TMEM255B: variants seen among roughly 807,000 people sequenced by gnomAD.
TMEM255B encodes transmembrane protein 255B.
TMEM255B carries 35 observed loss-of-function variants against 34.5 expected under a neutral mutation model. That is an observed-to-expected ratio of 1.01 (90% CI 0.77 to 1.34). TMEM255B has a LOEUF of 1.34. Among genes scored for constraint, TMEM255B ranks in the 40% most tolerant of loss-of-function variants. The pLI is 0.00. For missense variants in TMEM255B, 432 were observed against 433.2 expected, an observed-to-expected ratio of 1.00 and a Z score of 0.02; for synonymous variants, 206 against 201.2, an observed-to-expected ratio of 1.02 and a Z score of -0.20.
chr13:113,763,507 T>C (rs1003034058), intron 1 of TMEM255B, among the ~76,000 whole-genome samples: 1 of 152,194 alleles, frequency 6.6e-6, no homozygotes. Context: ...CGTGAACATA[T>C]AACCTTTCAG....
At chr13:113,801,062 G>C in intron 6 of TMEM255B, 150 bp downstream of exon 6, 2 of 742,042 alleles carry the variant, frequency 2.7e-6, no homozygotes, top group Non-Finnish European at 2.2e-6. Flanking sequence ...ACCCCCGTAT[G>C]TGCCTGCAGG....
intron 3 of TMEM255B, 130 bp from the exon 4 acceptor site, chr13:113,795,018 G>T: frequency 2.5e-6 from 2 of 797,264 alleles, no homozygotes; most frequent in Non-Finnish European, 2.1e-6. Context: ...GTCATAGGAC[G>T]AAAGGTAGAG....
rs1483441853 is a variant in TMEM255B, at chr13:113,759,261, G to A, written c.-9G>A. ...CTGTGGCCCCGGGAGAGCCGGGTGG[G>A]GCCTCGGGATGCAGCCGCCGGTGCC... On this transcript the variant is annotated 5_prime_UTR_variant, in exon 1 of 9. Coordinates refer to ENST00000375353, the MANE Select transcript of TMEM255B (RefSeq NM_182614.4). 1.5e-5 allele frequency: 18 copies of A among 1,228,210 alleles called. No individual in the cohort carries two copies. The highest frequency in any genetic ancestry group is 1.7e-5 in the Non-Finnish European group (17 of 985,750). The allele number at this position is 1,228,210 out of a possible 1,614,324, so 76.1% of individuals were successfully genotyped here.
intron 5 of TMEM255B, chr13:113,799,873 C>T (rs968138533): frequency 1.8e-5 from 18 of 1,005,896 alleles, no homozygotes; most frequent in Admixed American, 6.8e-5. Context: ...TCGCCAGGAC[C>T]GTCGGAGGGC....
Position 113,812,654 on chromosome 13 carries a change from G to C in TMEM255B, c.*751G>C, listed in dbSNP as rs1267670179. 6.6e-6 allele frequency: 1 copy of C among 152,564 alleles called. No homozygotes were observed. The highest frequency in any genetic ancestry group is 1.5e-5 in the Non-Finnish European group (1 of 68,300). 9.5% of individuals were successfully genotyped at this position (152,564 alleles called of 1,614,324 possible). A position where few individuals can be genotyped will look rare whatever the true frequency, so the allele number is the denominator to read the frequency against. On this transcript the variant is annotated 3_prime_UTR_variant, in exon 9 of 9. Coordinates refer to ENST00000375353, the MANE Select transcript of TMEM255B (RefSeq NM_182614.4). ...CGGGGTCCTTTGGCTCAGGGTCTGG[G>C]GCCGCAGCACTCCCTGTGGAAACCA...
At chr13:113,782,339 G>A (rs2050676463) in intron 3 of TMEM255B, among the ~76,000 whole-genome samples, 1 of 152,178 alleles carries the variant, frequency 6.6e-6, no homozygotes, top group South Asian at 2.1e-4. Context: ...TGAAATAGCT[G>A]TAGTTTAATT....
intron 3 of TMEM255B, among the ~76,000 whole-genome samples, chr13:113,781,396 T>C (rs773173978): frequency 6.6e-6 from 1 of 152,264 alleles, no homozygotes; most frequent in Non-Finnish European, 1.5e-5. Context: ...CCTTTTAATC[T>C]AGGCAAAAAT....
chr13:113,796,016 A>G (rs1195536839), intron 4 of TMEM255B, among the ~76,000 whole-genome samples: 1 of 146,788 alleles, frequency 6.8e-6, no homozygotes, highest in Non-Finnish European at 1.5e-5. Flanking sequence ...CACAGAGCAC[A>G]CAGCACACAC....
chr13:113,796,895 C>T (rs1019187589), intron 4 of TMEM255B, among the ~76,000 whole-genome samples: 6 of 148,946 alleles, frequency 4.0e-5, no homozygotes, highest in African/African-American at 1.5e-4. Flanking sequence ...GGAGCACATT[C>T]ACAAAACACA....
intron 3 of TMEM255B, among the ~76,000 whole-genome samples, chr13:113,779,067 T>C (rs1416379456): frequency 1.3e-5 from 2 of 152,132 alleles, no homozygotes; most frequent in Non-Finnish European, 2.9e-5. Context: ...AGAGTGTTTT[T>C]GGGTGGAGGG....
intron 3 of TMEM255B, among the ~76,000 whole-genome samples, chr13:113,771,414 G>A (rs1206149612): frequency 6.6e-6 from 1 of 152,190 alleles, no homozygotes; most frequent in Non-Finnish European, 1.5e-5. Context: ...GGACACGGTG[G>A]CTCATGCCTG....
In TMEM255B at chr13:113,800,194, TG is replaced by T. The variant is rs759778473; in HGVS notation, c.424-624del. The T allele has an allele frequency of 9.6e-3, 155 of 16,130 alleles. 8 individuals are homozygous for T. The highest frequency in any genetic ancestry group is 0.07 in the South Asian group (39 of 560). The allele number at this position is 16,130 out of a possible 1,614,324, so 1.0% of individuals were successfully genotyped here. A position where few individuals can be genotyped will look rare whatever the true frequency, so the allele number is the denominator to read the frequency against. On this transcript the variant is annotated intron_variant, in intron 5 of 8. Transcript: ENST00000375353. Reference sequence around the variant, plus strand: ...TGTGGAGGTGTCCTGTGTGTGTGTGTGGGGGGGGGTAGGCGGGAGGCATGCC... The same window carrying T: ...TGTGGAGGTGTCCTGTGTGTGTGTGTGGGGGGGGTAGGCGGGAGGCATGCC...
intron 8 of TMEM255B, among the ~76,000 whole-genome samples, chr13:113,805,684 C>T (rs184758672): frequency 1.8e-3 from 267 of 152,360 alleles, no homozygotes; most frequent in African/African-American, 5.9e-3. Context: ...ACCCTAGGTG[C>T]TGAGGGTGCT....
chr13:113,772,292 C>T (rs771785358), intron 3 of TMEM255B, among the ~76,000 whole-genome samples: 4 of 152,104 alleles, frequency 2.6e-5, no homozygotes, highest in African/African-American at 7.2e-5. Context: ...TGTACATTGC[C>T]GTTTCACTTT....
chr13:113,783,314 G>A (rs1262570288), intron 3 of TMEM255B, among the ~76,000 whole-genome samples: 1 of 152,166 alleles, frequency 6.6e-6, no homozygotes, highest in East Asian at 1.9e-4. Context: ...CTCCCTGTTG[G>A]TAAGTCCAAT....
chr13:113,763,859 A>G (rs553165677), intron 1 of TMEM255B, among the ~76,000 whole-genome samples: 4 of 152,326 alleles, frequency 2.6e-5, no homozygotes, highest in Middle Eastern at 3.4e-3. Flanking sequence ...CAGAAATACC[A>G]TGAGAGACAC....
intron 6 of TMEM255B, 24 bp downstream of exon 6, chr13:113,800,936 T>A: frequency 8.5e-7 from 1 of 1,178,202 alleles, no homozygotes; most frequent in Non-Finnish European, 1.1e-6. Flanking sequence ...GGGACCCCCA[T>A]ATCTACACCT....
chr13:113,779,491 G>A (rs192501479), intron 3 of TMEM255B, among the ~76,000 whole-genome samples: 3 of 151,274 alleles, frequency 2.0e-5, no homozygotes, highest in African/African-American at 2.4e-5. Flanking sequence ...TAGAGGGAGC[G>A]TCTGCTGATA....
At chr13:113,790,627 C>T (rs1186780814) in intron 3 of TMEM255B, among the ~76,000 whole-genome samples, 1 of 146,742 alleles carries the variant, frequency 6.8e-6, no homozygotes, top group African/African-American at 2.6e-5. Context: ...ACTGACTGGA[C>T]ACATGGATAT....
Sources: gnomAD v4.1 joint callset for allele counts (sites outside exome capture counted in the v4.1 genomes callset) on GRCh38, gnomAD v4.1.1 for gene constraint, MANE v1.5 for transcripts, NCBI Gene and HGNC (gene_info 2026-07-23, HGNC 2026-07-21) for gene names.